DDX1: variants seen among roughly 807,000 people sequenced by gnomAD.
DDX1 encodes DEAD-box helicase 1, also known as ATP-dependent RNA helicase DDX1.
Under a neutral mutation model 108.7 loss-of-function variants are expected in DDX1, and 28 were observed. The observed-to-expected ratio is 0.26, with a 90% CI of 0.19 to 0.35. The LOEUF (loss-of-function observed/expected upper bound fraction) is 0.35. Ranked by LOEUF, DDX1 falls within the 10% of genes least tolerant of loss-of-function variation. DDX1 has a pLI of 1.00. For missense variants in DDX1, 710 were observed against 884.5 expected, an observed-to-expected ratio of 0.80 and a Z score of 2.50; for synonymous variants, 295 against 288.9, an observed-to-expected ratio of 1.02 and a Z score of -0.21.
At chr2:15,613,914 G>A (rs1340048118) in intron 14 of DDX1, among the ~76,000 whole-genome samples, 1 of 142,592 alleles carries the variant, frequency 7.0e-6, no homozygotes, top group Non-Finnish European at 1.5e-5. Flanking sequence ...TCGGCTCATT[G>A]CAACCTCTGC....
chr2:15,630,040 G>GC lies in DDX1; in HGVS notation c.2024dup (p.Asp676GlyfsTer8). 1 of 1,613,158 alleles carries GC rather than the reference G, an allele frequency of 6.2e-7. No homozygotes were observed. The highest frequency in any genetic ancestry group is 8.5e-7 in the Non-Finnish European group (1 of 1,179,312). On this transcript the variant is annotated frameshift_variant, in exon 25 of 26. Coordinates refer to ENST00000233084, the MANE Select transcript of DDX1 (RefSeq NM_004939.3). LOFTEE classifies it high-confidence loss of function. ...TGAACTGTACCATTTCTCAGGTTGAGCCGGATATAAAGGTACCAGTGGATG... is the reference window on the plus strand; with the variant it reads ...TGAACTGTACCATTTCTCAGGTTGAGCCCGGATATAAAGGTACCAGTGGATG...
chr2:15,630,243 T>C lies in DDX1; in HGVS notation c.2092+133T>C, dbSNP rs568767178. 1.7e-4 allele frequency: 150 copies of C among 868,822 alleles called. No homozygotes were observed. The African/African-American group carries it at 2.3e-3, about 13-fold the overall frequency. 53.8% of individuals were successfully genotyped at this position (868,822 alleles called of 1,614,324 possible). On this transcript the variant is annotated intron_variant, in intron 25 of 25. Transcript: ENST00000233084. ...TAGCGTGTTAATCATTCCCTCCTTA[T>C]TACCCTCATAGTACTTTGTCCATAC...
Position 15,607,270 on chromosome 2 carries a change from A to G in DDX1, c.913A>G (p.Asn305Asp), listed in dbSNP as rs1376834613. The change falls in exon 13 of 26, where the codon AAC (asparagine) becomes GAC (aspartate). Residue 305 changes from asparagine (N) to aspartate (D), a missense_variant. Asn to Asp is a conservative substitution (Grantham distance 23). This residue lies in a region of DDX1 where 661 missense variants were observed against 810.2 expected (regional missense o/e 0.82). Coordinates refer to ENST00000233084, the MANE Select transcript of DDX1 (RefSeq NM_004939.3). ...SRELAEQTLN[N>D]IKQFKKYIDN... ...GGAGTTAGCTGAACAAACTTTGAAC[A>G]ACATCAAGCAGTTTAAGAAATACAT... 6.2e-7 allele frequency: 1 copy of G among 1,612,892 alleles called. No individual in the cohort carries two copies. Among genetic ancestry groups the G allele is most frequent in the Non-Finnish European group, 8.5e-7 (1 of 1,178,920 alleles).
intron 14 of DDX1, 136 bp from the exon 15 acceptor site, chr2:15,617,102 CTTTTTT>C (rs11305723): frequency 3.0e-6 from 1 of 337,950 alleles, no homozygotes; most frequent in Admixed American, 4.8e-5. Context: ...TCTGTAACTC[CTTTTTT>C]TTTTTTATAA....
At chr2:15,599,147 T>G (rs1248397520) in intron 5 of DDX1, 2 of 152,230 alleles carry the variant, frequency 1.3e-5, no homozygotes, top group African/African-American at 4.8e-5. Flanking sequence ...GATGATTATC[T>G]TCAACATGTC....
At position 15,603,193 on chromosome 2, in the gene DDX1, G is replaced by T. The variant is rs1291194526; in HGVS notation, c.393G>T (p.Gly131=). 1 of 1,606,728 alleles carries T rather than the reference G, an allele frequency of 6.2e-7. No individual in the cohort carries two copies. The highest frequency in any genetic ancestry group is 2.2e-5 in the East Asian group (1 of 44,808). ...GCRATKGLMK[G]KHYYEVSCHD... ...TCTCAATGTATTTTACCCTTGTAGG[G>T]AAACACTACTATGAAGTATCCTGTC... The change falls in exon 8 of 26, where the codon GGG becomes GGT. Residue 131 remains glycine, a splice_region_variant and synonymous_variant. Coordinates refer to ENST00000233084, the MANE Select transcript of DDX1 (RefSeq NM_004939.3).
chr2:15,604,236 C>G (rs1302613749), intron 9 of DDX1, among the ~76,000 whole-genome samples: 1 of 152,160 alleles, frequency 6.6e-6, no homozygotes, highest in Non-Finnish European at 1.5e-5. Context: ...GAGCTGAAAT[C>G]TACAGTAGTG....
Position 15,620,253 on chromosome 2 carries a change from C to T in DDX1, c.1252C>T (p.Leu418=). The T allele has an allele frequency of 1.2e-6, 2 of 1,614,050 alleles. No individual in the cohort carries two copies. Among genetic ancestry groups the T allele is most frequent in the Non-Finnish European group, 1.7e-6 (2 of 1,179,990 alleles). ...TTTGCATTCTTTCGATGTAAAGAAACTGTCCGAGAAGATAATGCATTTTCC... is the reference window on the plus strand; with the variant it reads ...TTTGCATTCTTTCGATGTAAAGAAATTGTCCGAGAAGATAATGCATTTTCC... ...ATLHSFDVKK[L]SEKIMHFPTW... Residue 418 remains leucine, a synonymous_variant, in exon 17 of 26, where the codon CTG becomes TTG. Coordinates refer to ENST00000233084, the MANE Select transcript of DDX1 (RefSeq NM_004939.3).
rs771898232 is a variant in DDX1 at position 15,603,808 on chromosome 2, A to T, written c.476-6A>T. ...ACCAGAAAAGTAAAATATTTTTTAA[A>T]TCTAGGTACTGACAAGTTTGGATTT... On this transcript the variant is annotated splice_region_variant and splice_polypyrimidine_tract_variant and intron_variant, in intron 8 of 25. Transcript: ENST00000233084. 2 of 1,582,386 alleles carry T rather than the reference A, an allele frequency of 1.3e-6. No homozygotes were observed. Among genetic ancestry groups the T allele is most frequent in the Admixed American group, 1.8e-5 (1 of 55,394 alleles).
intron 1 of DDX1, among the ~76,000 whole-genome samples, chr2:15,593,611 G>A (rs1314202780): frequency 1.3e-5 from 2 of 152,178 alleles, no homozygotes; most frequent in Non-Finnish European, 2.9e-5. Flanking sequence ...GCTTCAGCTT[G>A]CAGTATTCCG....
At chr2:15,622,402 A>G (rs1002027046) in intron 18 of DDX1, among the ~76,000 whole-genome samples, 1 of 152,190 alleles carries the variant, frequency 6.6e-6, no homozygotes, top group African/African-American at 2.4e-5. Flanking sequence ...TTCAGGTTAA[A>G]TAGTGTTTTG....
At chr2:15,609,195 T>C (rs1306776934) in intron 13 of DDX1, among the ~76,000 whole-genome samples, 1 of 152,240 alleles carries the variant, frequency 6.6e-6, no homozygotes, top group Admixed American at 6.5e-5. Flanking sequence ...TGTAAAATGC[T>C]AGTGTGAATT....
Position 15,628,655 on chromosome 2 carries a change from C to T in DDX1, c.1777C>T (p.Pro593Ser). ...GVPYVINVTL[P>S]DEKQNYVHRI... Reference sequence around the variant, plus strand: ...ATTTATAGTTATAAATGTCACTCTGCCCGATGAAAAGCAAAACTACGTACA... The same window carrying T: ...ATTTATAGTTATAAATGTCACTCTGTCCGATGAAAAGCAAAACTACGTACA... Residue 593 changes from proline to serine, a missense_variant, in exon 22 of 26, where the codon CCC becomes TCC. Pro to Ser is a moderately conservative substitution (Grantham distance 74, BLOSUM62 -1). This residue lies in a region of DDX1 where 661 missense variants were observed against 810.2 expected (regional missense o/e 0.82). Transcript: ENST00000233084. The T allele has an allele frequency of 9.9e-6, 16 of 1,612,190 alleles. No individual in the cohort carries two copies. The highest frequency in any genetic ancestry group is 1.2e-5 in the Non-Finnish European group (14 of 1,178,920).
chr2:15,598,446 A>G (rs1285054017), intron 5 of DDX1, among the ~76,000 whole-genome samples: 1 of 152,336 alleles, frequency 6.6e-6, no homozygotes, highest in South Asian at 2.1e-4. Context: ...TCTGAAAGTC[A>G]CATCCTATGA....
At chr2:15,615,621 T>G (rs1292957354) in intron 14 of DDX1, among the ~76,000 whole-genome samples, 1 of 152,214 alleles carries the variant, frequency 6.6e-6, no homozygotes, top group Non-Finnish European at 1.5e-5. Flanking sequence ...GGATAATAAG[T>G]GCCTCATATT....
At chr2:15,617,416 A>G in intron 15 of DDX1, 74 bp downstream of exon 15, 1 of 837,764 alleles carries the variant, frequency 1.2e-6, no homozygotes, top group Non-Finnish European at 1.8e-6. Context: ...AAAATGAAGA[A>G]GAAATATAAT....
chr2:15,627,699 T>G (rs1666124220), intron 20 of DDX1: 1 of 152,826 alleles, frequency 6.5e-6, no homozygotes, highest in South Asian at 2.1e-4. Context: ...AGCAGTCTCA[T>G]TAATTTAATA....
At chr2:15,595,409 T>G (rs1390790653) in intron 2 of DDX1, 81 bp from the exon 3 acceptor site, 4 of 1,202,032 alleles carry the variant, frequency 3.3e-6, no homozygotes, top group Non-Finnish European at 4.9e-6. Context: ...AAATTTTCTT[T>G]TAGGCAAATT....
Position 15,606,141 on chromosome 2 carries a change from C to A in DDX1, c.703-9C>A. ...AGGAATTTTAATTTTCTGTTTTATT[C>A]AATGCTAGAATGCTGAACTGAAATT... On this transcript the variant is annotated splice_polypyrimidine_tract_variant and intron_variant, in intron 11 of 25. Transcript: ENST00000233084. The A allele has an allele frequency of 6.2e-7, 1 of 1,604,174 alleles. No individual in the cohort carries two copies. The highest frequency in any genetic ancestry group is 1.1e-5 in the South Asian group (1 of 90,378).
Sources: allele counts gnomAD v4.1 joint callset (sites outside exome capture counted in the v4.1 genomes callset), GRCh38; gene constraint gnomAD v4.1.1; regional missense constraint gnomAD v4.1.1; transcripts MANE v1.5; gene names NCBI Gene and HGNC (gene_info 2026-07-23, HGNC 2026-07-21).